FNIP2: variants seen among roughly 807,000 people sequenced by gnomAD.
FNIP2 encodes folliculin interacting protein 2.
FNIP2 carries 32 observed loss-of-function variants against 108.7 expected under a neutral mutation model. The ratio of observed to expected loss-of-function variants is 0.29; its 90% confidence interval spans 0.22 to 0.40. FNIP2 has a LOEUF of 0.40. Among genes scored for constraint, FNIP2 ranks in the 10% least tolerant of loss-of-function variants. FNIP2 has a pLI of 1.00. For missense variants in FNIP2, 1,202 were observed against 1,381.6 expected, an observed-to-expected ratio of 0.87 and a Z score of 2.06; for synonymous variants, 480 against 496.7, an observed-to-expected ratio of 0.97 and a Z score of 0.45.
At chr4:158,881,803 A>T (rs1301688854) in intron 14 of FNIP2, among the ~76,000 whole-genome samples, 1 of 151,774 alleles carries the variant, frequency 6.6e-6, no homozygotes, top group African/African-American at 2.4e-5. Context: ...GCTCGCTACA[A>T]CCTCCACCTC....
intron 1 of FNIP2, among the ~76,000 whole-genome samples, chr4:158,821,578 A>G (rs529595649): frequency 3.1e-4 from 47 of 152,364 alleles, no homozygotes; most frequent in Middle Eastern, 3.4e-3. Flanking sequence ...AGTCCTGTGT[A>G]TAAGGGATGG....
chr4:158,819,112 G>A (rs188954005), intron 1 of FNIP2, among the ~76,000 whole-genome samples: 1 of 152,258 alleles, frequency 6.6e-6, no homozygotes, highest in Admixed American at 6.5e-5. Flanking sequence ...GCATATTGAG[G>A]TAAATACTGG....
intron 8 of FNIP2, among the ~76,000 whole-genome samples, chr4:158,858,141 A>C (rs1298705195): frequency 6.6e-6 from 1 of 152,220 alleles, no homozygotes; most frequent in African/African-American, 2.4e-5. Context: ...TTATGTTGTA[A>C]TTTATAGTAA....
intron 1 of FNIP2, among the ~76,000 whole-genome samples, chr4:158,819,876 G>GT (rs1344466230): frequency 2.0e-5 from 3 of 152,168 alleles, no homozygotes; most frequent in Admixed American, 6.5e-5. Flanking sequence ...CTTAGAAGGT[G>GT]TTTTTTGAGA....
At chr4:158,877,987 G>A (rs561589299) in intron 14 of FNIP2, among the ~76,000 whole-genome samples, 32 of 151,466 alleles carry the variant, frequency 2.1e-4, no homozygotes, top group Admixed American at 7.9e-4. Context: ...AAAGATCTGA[G>A]GTAGGAGGAT....
intron 1 of FNIP2, among the ~76,000 whole-genome samples, chr4:158,821,086 T>C (rs1018588600): frequency 1.3e-5 from 2 of 152,232 alleles, no homozygotes; most frequent in Admixed American, 1.3e-4. Context: ...TTTTCTAATC[T>C]TGATGAGTAG....
chr4:158,887,734 C>T (rs1304279708), intron 14 of FNIP2, among the ~76,000 whole-genome samples: 1 of 5,462 alleles, frequency 1.8e-4, no homozygotes, highest in African/African-American at 5.4e-4. Flanking sequence ...GAGACTCTGT[C>T]TCAAAAAAAA....
At chr4:158,790,294 G>A (rs186276822) in intron 1 of FNIP2, among the ~76,000 whole-genome samples, 4 of 151,426 alleles carry the variant, frequency 2.6e-5, no homozygotes, top group Admixed American at 2.6e-4. Flanking sequence ...TACATTAATG[G>A]ATCCTATACT....
chr4:158,868,673 G>T lies in FNIP2; in HGVS notation c.2037G>T (p.Gln679His). The T allele has an allele frequency of 6.2e-7, 1 of 1,614,024 alleles. No homozygotes were observed. ...TGGGGGCAGGAATGAAGATGGACCA[G>T]CAAGCTGTCTGTGAGCTGTTGAAAG... ...EVLGAGMKMD[Q>H]QAVCELLKVE... The change falls in exon 13 of 17, where the codon CAG becomes CAT. Residue 679 changes from glutamine (Q) to histidine (H), a missense_variant. Gln to His is a conservative substitution (Grantham distance 24). Transcript: ENST00000264433. The surrounding 1 kb of genome is among the most constrained non-coding windows in gnomAD (Gnocchi z 4.6).
Position 158,859,040 on chromosome 4 carries a change from C to T in FNIP2, c.858-17C>T. On this transcript the variant is annotated splice_polypyrimidine_tract_variant and intron_variant, in intron 8 of 16. Transcript: ENST00000264433. ...CACTGATGCATGGCAACTTTTCAAA[C>T]TTATATTTCCCTCCAGGTCAACTGA... 6.2e-7 allele frequency: 1 copy of T among 1,612,166 alleles called. No homozygotes were observed. The highest frequency in any genetic ancestry group is 8.5e-7 in the Non-Finnish European group (1 of 1,178,770).
intron 16 of FNIP2, among the ~76,000 whole-genome samples, chr4:158,896,082 T>C (rs967894378): frequency 1.1e-4 from 16 of 152,324 alleles, no homozygotes; most frequent in East Asian, 3.9e-4. Flanking sequence ...CGCAGGACTT[T>C]AGGCTGGTCG....
chr4:158,874,995 G>A (rs1466280116), intron 14 of FNIP2, among the ~76,000 whole-genome samples: 1 of 150,930 alleles, frequency 6.6e-6, no homozygotes, highest in African/African-American at 2.4e-5. Context: ...GCTGAGGCAG[G>A]AGAATTGCTT....
At chr4:158,881,598 G>A (rs1452093195) in intron 14 of FNIP2, among the ~76,000 whole-genome samples, 5 of 152,210 alleles carry the variant, frequency 3.3e-5, no homozygotes, top group African/African-American at 7.2e-5. Context: ...TTGCAGGCGC[G>A]TGCCGCCACG....
intron 1 of FNIP2, among the ~76,000 whole-genome samples, chr4:158,797,319 T>C (rs1484494355): frequency 2.0e-5 from 3 of 152,246 alleles, no homozygotes; most frequent in Non-Finnish European, 2.9e-5. Flanking sequence ...TATTCTGTTA[T>C]ACACATTGAC....
intron 7 of FNIP2, among the ~76,000 whole-genome samples, chr4:158,840,302 C>T (rs1444364838): frequency 6.6e-6 from 1 of 152,150 alleles, no homozygotes; most frequent in Non-Finnish European, 1.5e-5. Context: ...GAAATGTCTA[C>T]ATGTTCTCCA....
intron 10 of FNIP2, among the ~76,000 whole-genome samples, chr4:158,860,047 G>A (rs1279610029): frequency 6.6e-6 from 1 of 152,212 alleles, no homozygotes; most frequent in Non-Finnish European, 1.5e-5. Context: ...CAGATGGAGA[G>A]GTTATGCATG....
chr4:158,801,133 C>T (rs768671446), intron 1 of FNIP2, among the ~76,000 whole-genome samples: 3 of 151,988 alleles, frequency 2.0e-5, no homozygotes, highest in Non-Finnish European at 4.4e-5. Flanking sequence ...ATCACTCTGC[C>T]TAGGAGTCTT....
chr4:158,820,666 C>T (rs1221405117), intron 1 of FNIP2, among the ~76,000 whole-genome samples: 2 of 150,912 alleles, frequency 1.3e-5, no homozygotes, highest in Non-Finnish European at 2.9e-5. Context: ...GCCTCATTTG[C>T]TGTGTGGTTC....
intron 1 of FNIP2, among the ~76,000 whole-genome samples, chr4:158,811,254 G>A (rs370861440): frequency 6.6e-6 from 1 of 152,068 alleles, no homozygotes; most frequent in South Asian, 2.1e-4. Flanking sequence ...ACTACTTTAG[G>A]TTTTTACAGA....
Sources: gnomAD v4.1 joint callset for allele counts (sites outside exome capture counted in the v4.1 genomes callset) on GRCh38, gnomAD v4.1.1 for gene constraint, Gnocchi (gnomAD v3.1) non-coding constraint, MANE v1.5 for transcripts, NCBI Gene and HGNC (gene_info 2026-07-23, HGNC 2026-07-21) for gene names.